Variants in LATS2 observed in about 807,000 individuals in gnomAD.
LATS2 encodes the protein large tumor suppressor kinase 2.
In LATS2, 24 loss-of-function variants were observed where a neutral mutation model predicts 76.0. The ratio of observed to expected loss-of-function variants is 0.32; its 90% CI spans 0.23 to 0.44. The LOEUF (loss-of-function observed/expected upper bound fraction) is 0.44, where lower values mean the gene tolerates loss of function less well. Among genes scored for constraint, LATS2 ranks in the 20% least tolerant of loss-of-function variants. The probability of loss-of-function intolerance (pLI) is 1.00; values close to 1 mark genes in which losing one functional copy is unlikely to be tolerated. For missense variants in LATS2, 1,286 were observed against 1,481.2 expected (o/e 0.87, Z 2.16); for synonymous variants, 692 against 635.4 (o/e 1.09, Z -1.34).
chr13:21,008,653 C>T (rs1448821816), intron 2 of LATS2, among the ~76,000 whole-genome samples: 4 of 152,158 alleles, frequency 2.6e-5, no homozygotes, highest in African/African-American at 9.6e-5. Flanking sequence ...CACTTCACAC[C>T]CATTAGATTG....
chr13:21,003,013 T>C (rs1361099208), intron 2 of LATS2, among the ~76,000 whole-genome samples: 1 of 152,172 alleles, frequency 6.6e-6, no homozygotes, highest in Non-Finnish European at 1.5e-5. Flanking sequence ...TATTTTATCT[T>C]AAAATTTGAA....
chr13:21,027,828 C>A (rs1034214792), intron 2 of LATS2, among the ~76,000 whole-genome samples: 7 of 152,204 alleles, frequency 4.6e-5, no homozygotes, highest in African/African-American at 1.7e-4. Context: ...TATTTGGATT[C>A]TGCTGGATCC....
chr13:21,059,646 C>T (rs1268693678), intron 1 of LATS2, among the ~76,000 whole-genome samples: 2 of 149,840 alleles, frequency 1.3e-5, no homozygotes, highest in Non-Finnish European at 3.0e-5. Flanking sequence ...CCTAGAGAAG[C>T]GTGAAAATGT....
intron 4 of LATS2, among the ~76,000 whole-genome samples, chr13:20,985,747 AT>A (rs1394741461): frequency 1.3e-5 from 2 of 149,782 alleles, no homozygotes; most frequent in Admixed American, 6.6e-5. Flanking sequence ...TAATTAAAAA[AT>A]AAATAAATAA....
chr13:21,022,204 G>A (rs992265371), intron 2 of LATS2, among the ~76,000 whole-genome samples: 12 of 151,818 alleles, frequency 7.9e-5, no homozygotes, highest in African/African-American at 1.5e-4. Flanking sequence ...GTGCAACTAC[G>A]TAAGTGTGTG....
At chr13:21,030,053 G>A (rs1353000025) in intron 2 of LATS2, among the ~76,000 whole-genome samples, 1 of 151,988 alleles carries the variant, frequency 6.6e-6, no homozygotes, top group East Asian at 1.9e-4. Context: ...GAACCTGGGA[G>A]GGGGAGGTTG....
intron 2 of LATS2, among the ~76,000 whole-genome samples, chr13:21,045,303 C>T (rs1190822101): frequency 6.6e-6 from 1 of 151,802 alleles, no homozygotes; most frequent in Non-Finnish European, 1.5e-5. Context: ...CAAACCAAAA[C>T]AAGAAAAGGG....
intron 2 of LATS2, among the ~76,000 whole-genome samples, chr13:21,028,435 G>A (rs1175381560): frequency 1.3e-5 from 2 of 152,084 alleles, no homozygotes; most frequent in East Asian, 1.9e-4. Flanking sequence ...AGTCCTTTGG[G>A]TATATACCCA....
chr13:21,010,875 T>C (rs1173883723), intron 2 of LATS2, among the ~76,000 whole-genome samples: 1 of 152,252 alleles, frequency 6.6e-6, no homozygotes, highest in East Asian at 1.9e-4. Context: ...CTAAGCAAGT[T>C]TGACTCCTTC....
chr13:21,047,146 G>A (rs1204891089), intron 1 of LATS2, among the ~76,000 whole-genome samples: 1 of 152,156 alleles, frequency 6.6e-6, no homozygotes, highest in Non-Finnish European at 1.5e-5. Context: ...GGCCTACTCT[G>A]CTGTTCTTTG....
intron 2 of LATS2, among the ~76,000 whole-genome samples, chr13:21,024,102 A>G (rs1270867215): frequency 6.6e-5 from 10 of 151,096 alleles, no homozygotes; most frequent in Non-Finnish European, 1.3e-4. Flanking sequence ...GCAAAAAAAA[A>G]AAAAAAAAAA....
At chr13:21,011,790 C>T (rs751866991) in intron 2 of LATS2, among the ~76,000 whole-genome samples, 13 of 152,292 alleles carry the variant, frequency 8.5e-5, no homozygotes, top group South Asian at 2.1e-4. Flanking sequence ...TAGGTGATTT[C>T]GTTGTTGTGT....
Position 21,009,682 on chromosome 13 carries a change from T to C in LATS2, c.343-18278A>G, listed in dbSNP as rs542469947. Among the ~76,000 whole-genome samples, 6 of 152,318 alleles carry C rather than the reference T, an allele frequency of 3.9e-5. No individual in the cohort carries two copies. In the South Asian group the frequency reaches 1.2e-3, roughly 32 times the overall value. On this transcript the variant is annotated intron_variant, in intron 2 of 7. Coordinates refer to ENST00000382592, the MANE Select transcript of LATS2 (RefSeq NM_014572.3). ...CATAAGAAGAAAATTCAATACCTTT[T>C]AAAATACAGAAACCAGATGGAGGAA... is the stretch of plus-strand genomic sequence containing the variant.
At chr13:21,024,093 C>CAAAAAAAAAAAAAAA (rs748881098) in intron 2 of LATS2, among the ~76,000 whole-genome samples, 16 of 79,044 alleles carry the variant, frequency 2.0e-4, no homozygotes, top group Non-Finnish European at 3.0e-4. Flanking sequence ...TCTCGCTGTG[C>CAAAAAAAAAAAAAAA]AAAAAAAAAA....
intron 2 of LATS2, among the ~76,000 whole-genome samples, chr13:21,012,728 C>T (rs1451706296): frequency 6.6e-6 from 1 of 151,986 alleles, no homozygotes; most frequent in African/African-American, 2.4e-5. Context: ...ATGGAATGAA[C>T]AGCGCTAGCA....
chr13:21,050,131 G>A, intron 1 of LATS2, among the ~76,000 whole-genome samples: 1 of 52,238 alleles, frequency 1.9e-5, no homozygotes, highest in Non-Finnish European at 4.2e-5. Context: ...TAGACAGATA[G>A]ATAGATAGAT....
intron 1 of LATS2, among the ~76,000 whole-genome samples, chr13:21,049,974 A>G (rs570716187): frequency 1.6e-4 from 24 of 152,122 alleles, no homozygotes; most frequent in African/African-American, 5.5e-4. Flanking sequence ...TACAAAAATT[A>G]GCCAGGTGTG....
intron 2 of LATS2, among the ~76,000 whole-genome samples, chr13:21,000,099 AGGCCG>A (rs1870975512): frequency 6.6e-6 from 1 of 152,060 alleles, no homozygotes; most frequent in African/African-American, 2.4e-5. Flanking sequence ...TTATAAAGAT[AGGCCG>A]GGCGTGGTGG....
At position 20,988,260 on chromosome 13, in the gene LATS2, C is replaced by G. The variant is rs1438083912; in HGVS notation, c.1520G>C (p.Gly507Ala). The change falls in exon 4 of 8, where the codon GGA (glycine) becomes GCA (alanine). Residue 507 changes from glycine to alanine, a missense_variant. By Grantham distance (60) the Gly-to-Ala change is moderately conservative (BLOSUM62 0). This residue lies in a region of LATS2 where 710 missense variants were observed against 660.9 expected (regional missense o/e 1.07). Coordinates refer to ENST00000382592, the MANE Select transcript of LATS2 (RefSeq NM_014572.3). Reference protein sequence around the residue: ...AGAFPLDVEYGGPDRRCPPPP... With the variant: ...AGAFPLDVEYAGPDRRCPPPP... Reference sequence around the variant, plus strand: ...AGGCGGGCACCTCCGGTCTGGGCCTCCGTACTCCACGTCCAGCGGGAAGGC... The same window carrying G: ...AGGCGGGCACCTCCGGTCTGGGCCTGCGTACTCCACGTCCAGCGGGAAGGC... The G allele has an allele frequency of 6.3e-7, 1 of 1,598,946 alleles. No individual in the cohort carries two copies. The highest frequency in any genetic ancestry group is 8.5e-7 in the Non-Finnish European group (1 of 1,178,578).
Sources: gnomAD v4.1 joint callset for allele counts (sites outside exome capture counted in the v4.1 genomes callset) on GRCh38, gnomAD v4.1.1 for gene constraint, gnomAD v4.1.1 regional missense constraint, MANE v1.5 for transcripts, NCBI Gene and HGNC (gene_info 2026-07-23, HGNC 2026-07-21) for gene names.